The following OSBP2 variants were observed in gnomAD, a reference collection of about 807,000 sequenced individuals.
OSBP2 encodes oxysterol-binding protein 2.
Under a neutral mutation model 96.0 loss-of-function variants are expected in OSBP2, and 66 were observed. The ratio of observed to expected loss-of-function variants is 0.69; its 90% CI spans 0.56 to 0.84. The LOEUF is 0.84. Among genes scored for constraint, OSBP2 ranks in the 40% least tolerant of loss-of-function variants. The probability of loss-of-function intolerance (pLI) is 0.00; values close to 1 mark genes in which losing one functional copy is unlikely to be tolerated. For missense variants in OSBP2, 1,038 were observed against 1,222.7 expected (o/e 0.85, Z 2.25); for synonymous variants, 525 against 520.9 (o/e 1.01, Z -0.11).
intron 2 of OSBP2, among the ~76,000 whole-genome samples, chr22:30,827,295 G>A (rs1486083297): frequency 6.6e-6 from 1 of 152,142 alleles, no homozygotes; most frequent in Admixed American, 6.5e-5. Context: ...CCTCATGGTA[G>A]TGCTGACCCC....
chr22:30,893,606 G>A lies in OSBP2; in HGVS notation c.2095-32G>A, dbSNP rs533396847. The A allele has an allele frequency of 2.7e-5, 44 of 1,612,970 alleles. No homozygotes were observed. The South Asian group carries it at 4.5e-4, about 17-fold the overall frequency. On this transcript the variant is annotated intron_variant, in intron 10 of 13. Coordinates refer to ENST00000332585, the MANE Select transcript of OSBP2 (RefSeq NM_030758.4). ...TGGGGAGGGGGTGCATGGCCCGGGG[G>A]CTGGCCGCTGACCACTGCCCTCCTT...
intron 1 of OSBP2, among the ~76,000 whole-genome samples, chr22:30,730,799 TA>T (rs755312181): frequency 0.037 from 2,076 of 56,598 alleles, 267 homozygotes; most frequent in South Asian, 0.074. Context: ...TATATATATA[TA>T]TATATATAAT....
chr22:30,867,487 C>T lies in OSBP2; in HGVS notation c.854-2942C>T, dbSNP rs893387860. Among the ~76,000 whole-genome samples, 8 of 152,284 alleles carry T rather than the reference C, an allele frequency of 5.3e-5. No individual in the cohort carries two copies. In the South Asian group the frequency reaches 6.2e-4, roughly 12 times the overall value. ...ATTCACTCACTCATTCACTCATTCCCTCTCTCTCTTGTCCTACCCTCCCTC... is the reference window on the plus strand; with the variant it reads ...ATTCACTCACTCATTCACTCATTCCTTCTCTCTCTTGTCCTACCCTCCCTC... On this transcript the variant is annotated intron_variant, in intron 2 of 13. Transcript: ENST00000332585.
chr22:30,889,499 G>A lies in OSBP2; in HGVS notation c.1486G>A (p.Gly496Ser). The stretch of plus-strand genomic sequence containing the variant: ...CCCACTTATGTGGCAGGTACTAGAT[G>A]GTGCCTCGCTCGTGCCCAAGGGTTC... The part of the protein sequence containing the change: ...DWSSADNVLD[G>S]ASLVPKGSSK... Residue 496 changes from glycine to serine, a missense_variant, in exon 7 of 14, where the codon GGT becomes AGT. By Grantham distance (56) the Gly-to-Ser change is moderately conservative. Coordinates refer to ENST00000332585, the MANE Select transcript of OSBP2 (RefSeq NM_030758.4). 2 of 1,614,088 alleles carry A rather than the reference G, an allele frequency of 1.2e-6. No individual in the cohort carries two copies. Among genetic ancestry groups the A allele is most frequent in the Middle Eastern group, 1.6e-4 (1 of 6,062 alleles).
At chr22:30,828,877 C>G (rs1416593485) in intron 2 of OSBP2, among the ~76,000 whole-genome samples, 1 of 152,158 alleles carries the variant, frequency 6.6e-6, no homozygotes, top group Non-Finnish European at 1.5e-5. Context: ...CATGCCAACC[C>G]TGAGCCCCTA....
chr22:30,822,650 G>A (rs749521233), intron 2 of OSBP2: 2 of 1,533,622 alleles, frequency 1.3e-6, no homozygotes, highest in South Asian at 1.2e-5. Flanking sequence ...CGCGGCTGCT[G>A]GGACACGGCC....
intron 2 of OSBP2, among the ~76,000 whole-genome samples, chr22:30,784,699 TGACA>T (rs1237775280): frequency 1.3e-5 from 2 of 152,352 alleles, no homozygotes; most frequent in East Asian, 3.9e-4. Flanking sequence ...TCGTCTTCAC[TGACA>T]TTTTATCAAT....
Position 30,889,641 on chromosome 22 carries a change from G to A in OSBP2, c.1623+5G>A, listed in dbSNP as rs770450905. The stretch of plus-strand genomic sequence containing the variant: ...CTCTCCAGGATCCCCATGCCGGTGG[G>A]TGGCTCGGGCAGGGCAGCCCCGACA... On this transcript the variant is annotated splice_donor_5th_base_variant and intron_variant, in intron 7 of 13. Transcript: ENST00000332585. 6.2e-7 allele frequency: 1 copy of A among 1,613,822 alleles called. No individual in the cohort carries two copies. The highest frequency in any genetic ancestry group is 1.1e-5 in the South Asian group (1 of 91,072).
intron 2 of OSBP2, among the ~76,000 whole-genome samples, chr22:30,789,791 C>G (rs1422759806): frequency 2.0e-5 from 3 of 152,168 alleles, no homozygotes; most frequent in African/African-American, 4.8e-5. Context: ...AGAGCACAGG[C>G]AGGGAGAAAT....
chr22:30,879,697 C>T (rs1398107254), intron 3 of OSBP2, among the ~76,000 whole-genome samples: 3 of 152,244 alleles, frequency 2.0e-5, no homozygotes, highest in Non-Finnish European at 4.4e-5. Context: ...AGACCAGAAT[C>T]GCAGTGCAGC....
intron 1 of OSBP2, among the ~76,000 whole-genome samples, chr22:30,709,538 A>T (rs571479107): frequency 6.6e-6 from 1 of 150,640 alleles, no homozygotes; most frequent in Non-Finnish European, 1.5e-5. Context: ...TTTTTTTGAG[A>T]CAGAGTCTCA....
intron 2 of OSBP2, among the ~76,000 whole-genome samples, chr22:30,844,305 TCTC>T (rs1033889474): frequency 5.5e-4 from 84 of 152,306 alleles, no homozygotes; most frequent in African/African-American, 1.9e-3. Flanking sequence ...GGCGTTGACT[TCTC>T]CTCTGTAGCT....
At chr22:30,724,524 A>G (rs1319685775) in intron 1 of OSBP2, among the ~76,000 whole-genome samples, 3 of 152,190 alleles carry the variant, frequency 2.0e-5, no homozygotes, top group Non-Finnish European at 4.4e-5. Context: ...CCCAGCTTCC[A>G]CCATGTCTTT....
intron 2 of OSBP2, among the ~76,000 whole-genome samples, chr22:30,824,255 G>C (rs2038346995): frequency 6.6e-6 from 1 of 152,208 alleles, no homozygotes; most frequent in South Asian, 2.1e-4. Flanking sequence ...GCCTGGGGAG[G>C]AGGCGGCTCA....
chr22:30,839,894 G>A (rs2038712644), intron 2 of OSBP2, among the ~76,000 whole-genome samples: 1 of 152,038 alleles, frequency 6.6e-6, no homozygotes, highest in Non-Finnish European at 1.5e-5. Flanking sequence ...TGCTTTTGGT[G>A]TTTTAGACAT....
chr22:30,730,800 A>T lies in OSBP2; in HGVS notation c.645-10361A>T, dbSNP rs1569100615. On this transcript the variant is annotated intron_variant, in intron 1 of 13. Transcript: ENST00000332585. The stretch of plus-strand genomic sequence containing the variant: ...TATATATATATATATATATATATAT[A>T]TATATATAATTTTTTTTTTTTTTCC... 7.4e-3 allele frequency among the ~76,000 whole-genome samples: 370 copies of T among 49,782 alleles called. 36 individuals are homozygous for T. The highest frequency in any genetic ancestry group is 0.038 in the East Asian group (63 of 1,652). The allele number at this position is 49,782 out of a possible 152,430, so 32.7% of individuals were successfully genotyped here.
At chr22:30,859,067 C>T (rs2039151508) in intron 2 of OSBP2, among the ~76,000 whole-genome samples, 1 of 152,006 alleles carries the variant, frequency 6.6e-6, no homozygotes, top group African/African-American at 2.4e-5. Context: ...GTGGCGGAAC[C>T]CTTTCCCCGC....
At chr22:30,724,596 A>C (rs559021769) in intron 1 of OSBP2, among the ~76,000 whole-genome samples, 8 of 152,328 alleles carry the variant, frequency 5.3e-5, no homozygotes, top group African/African-American at 1.7e-4. Context: ...TAGATGGACT[A>C]TAGTTTATCT....
At chr22:30,880,100 G>T (rs2039669410) in intron 3 of OSBP2, among the ~76,000 whole-genome samples, 1 of 152,108 alleles carries the variant, frequency 6.6e-6, no homozygotes, top group Non-Finnish European at 1.5e-5. Context: ...GGCAGGGGAG[G>T]CAAGATCCTG....
Sources: allele counts gnomAD v4.1 joint callset (sites outside exome capture counted in the v4.1 genomes callset), GRCh38; gene constraint gnomAD v4.1.1; transcripts MANE v1.5; gene names NCBI Gene and HGNC (gene_info 2026-07-23, HGNC 2026-07-21).